ACAD9: variants seen among roughly 807,000 people sequenced by gnomAD.
The protein encoded by ACAD9 is acyl-CoA dehydrogenase family member 9.
A neutral mutation model predicts 70.2 loss-of-function variants in ACAD9; 53 were observed. The ratio of observed to expected loss-of-function variants is 0.75; its 90% CI spans 0.61 to 0.95. The LOEUF is 0.95. Among genes scored for constraint, ACAD9 ranks in the 40% least tolerant of loss-of-function variants. ACAD9 has a pLI of 0.00. For synonymous variants in ACAD9, 313 were observed against 312.1 expected, an observed-to-expected ratio of 1.00 and a Z score of -0.03; for missense variants, 777 against 802.8, an observed-to-expected ratio of 0.97 and a Z score of 0.39.
At chr3:128,888,348 G>A (rs376005446) in intron 2 of ACAD9, among the ~76,000 whole-genome samples, 8 of 152,188 alleles carry the variant, frequency 5.3e-5, no homozygotes, top group Non-Finnish European at 1.0e-4. Context: ...GGAGGCCGAC[G>A]TGGGTGGATC....
rs571739053 is a variant in ACAD9, at chr3:128,888,376, T to G, written c.244+3630T>G. 4.0e-3 allele frequency among the ~76,000 whole-genome samples: 607 copies of G among 152,182 alleles called. 3 individuals carry two copies. Among genetic ancestry groups the G allele is most frequent in the Non-Finnish European group, 4.6e-3 (313 of 67,996 alleles). On this transcript the variant is annotated intron_variant, in intron 2 of 17. Transcript: ENST00000308982. ...GGTGGATCACTTGAGGTCAGGAGTTTGAGACCAGCCTGGCCAACATAGTGA... is the reference window on the plus strand; with the variant it reads ...GGTGGATCACTTGAGGTCAGGAGTTGGAGACCAGCCTGGCCAACATAGTGA...
chr3:128,882,385 C>T (rs954501203), intron 1 of ACAD9, among the ~76,000 whole-genome samples: 1 of 152,212 alleles, frequency 6.6e-6, no homozygotes, highest in Non-Finnish European at 1.5e-5. Flanking sequence ...CTCTTATTCT[C>T]CTAGTCCACT....
chr3:128,909,523 AC>A (rs1308251024), intron 15 of ACAD9, 102 bp downstream of exon 15: 1 of 1,272,608 alleles, frequency 7.9e-7, no homozygotes, highest in Non-Finnish European at 1.1e-6. Context: ...CAGGCCTAGA[AC>A]AGAAATGTTG....
rs560523989 is a variant in ACAD9, at chr3:128,912,598, G to A, written c.1857G>A (p.Arg619=). The A allele has an allele frequency of 6.1e-5, 98 of 1,614,054 alleles. No homozygotes were observed. In the East Asian group the frequency reaches 2.2e-3, roughly 36 times the overall value. The stretch of plus-strand genomic sequence containing the variant: ...ATATCTGTGCCCACCCTCTGGACAG[G>A]ACATGCTGAGGCAGGGGACAGTGTC... ...RAYICAHPLD[R]TC is the part of the protein sequence containing the mutation. Residue 619 remains arginine (R), a synonymous_variant, in exon 18 of 18, where the codon AGG becomes AGA. Transcript: ENST00000308982.
rs1265150140 is a variant in ACAD9 at position 128,908,024 on chromosome 3, TC to T, written c.1279-158del. 2.0e-5 allele frequency among the ~76,000 whole-genome samples: 3 copies of T among 152,334 alleles called. No individual in the cohort carries two copies. The East Asian group carries it at 5.8e-4, about 29-fold the overall frequency. On this transcript the variant is annotated intron_variant, in intron 12 of 17. Transcript: ENST00000308982. ...CACCTCCCTCCTCATCCCTGTGCAC[TC>T]CCTGAGCCCTGGCCAGAGCCCTGCT...
intron 4 of ACAD9, 130 bp from the exon 5 acceptor site, chr3:128,896,306 C>T: frequency 9.7e-7 from 1 of 1,028,242 alleles, no homozygotes; most frequent in Non-Finnish European, 1.5e-6. Flanking sequence ...CCTGTGGCCG[C>T]TTGCTCTGAG....
intron 6 of ACAD9, 43 bp downstream of exon 6, chr3:128,897,753 A>G: frequency 6.4e-7 from 1 of 1,561,680 alleles, no homozygotes; most frequent in South Asian, 1.1e-5. Context: ...CTCAGTCACA[A>G]CCTTCACTGC....
intron 2 of ACAD9, among the ~76,000 whole-genome samples, chr3:128,892,645 C>T (rs1302198056): frequency 6.6e-6 from 1 of 152,150 alleles, no homozygotes; most frequent in Non-Finnish European, 1.5e-5. Context: ...ACCTGAGCCT[C>T]CCAAGTAGCT....
At chr3:128,903,068 G>T (rs946675032) in intron 9 of ACAD9, among the ~76,000 whole-genome samples, 3 of 152,022 alleles carry the variant, frequency 2.0e-5, no homozygotes, top group Non-Finnish European at 2.9e-5. Context: ...ATCGGGTTTG[G>T]AACCCAGGTC....
At chr3:128,894,433 C>T (rs556902709) in intron 3 of ACAD9, among the ~76,000 whole-genome samples, 1 of 150,458 alleles carries the variant, frequency 6.6e-6, no homozygotes, top group South Asian at 2.1e-4. Flanking sequence ...TAGATATCTT[C>T]ATATTTAAAG....
intron 2 of ACAD9, among the ~76,000 whole-genome samples, chr3:128,886,023 A>T (rs965108996): frequency 5.9e-4 from 88 of 149,928 alleles, no homozygotes; most frequent in Middle Eastern, 3.4e-3. Context: ...TCTAAAAAAA[A>T]AAAATAAAAT....
chr3:128,909,584 G>A (rs1936052408), intron 15 of ACAD9, 163 bp downstream of exon 15: 1 of 764,348 alleles, frequency 1.3e-6, no homozygotes, highest in Non-Finnish European at 2.2e-6. Context: ...TTGTCAGCCT[G>A]GGGCCCACTT....
At chr3:128,896,573 G>A (rs1191125715) in intron 5 of ACAD9, 37 bp downstream of exon 5, 1 of 1,606,496 alleles carries the variant, frequency 6.2e-7, no homozygotes, top group South Asian at 1.1e-5. Context: ...CTCAGCAGCT[G>A]TGATGTTGCC....
Position 128,897,701 on chromosome 3 carries a change from T to C in ACAD9, c.624T>C (p.Asn208=). 8.7e-6 allele frequency: 14 copies of C among 1,613,542 alleles called. No individual in the cohort carries two copies. Among genetic ancestry groups the C allele is most frequent in the Non-Finnish European group, 1.2e-5 (14 of 1,179,700 alleles). Residue 208 remains asparagine (N), a synonymous_variant, in exon 6 of 18, where the codon AAT becomes AAC. Transcript: ENST00000308982. ...LSEDKKHYIL[N]GSKVWITNGG... is the part of the protein sequence containing the mutation. The stretch of plus-strand genomic sequence containing the variant: ...AAGACAAGAAGCACTACATCCTCAA[T>C]GGCTCCAAGGTAGGGTTCCTTCCCC...
chr3:128,909,540 C>T (rs1226005868), intron 15 of ACAD9, 119 bp downstream of exon 15: 1 of 1,112,748 alleles, frequency 9.0e-7, no homozygotes, highest in East Asian at 2.5e-5. Flanking sequence ...TGTTGATCAC[C>T]CTGGAGGGAT....
At chr3:128,893,093 C>G (rs1020659055) in intron 2 of ACAD9, among the ~76,000 whole-genome samples, 1 of 151,986 alleles carries the variant, frequency 6.6e-6, no homozygotes, top group Non-Finnish European at 1.5e-5. Context: ...CACCTATGAT[C>G]CCAGTACTTT....
chr3:128,895,066 G>A lies in ACAD9; in HGVS notation c.347-244G>A, dbSNP rs147810872. Among the ~76,000 whole-genome samples the A allele has an allele frequency of 7.5e-4, 114 of 151,656 alleles. No individual in the cohort carries two copies. In the East Asian group the frequency reaches 0.02, roughly 26 times the overall value. On this transcript the variant is annotated intron_variant, in intron 3 of 17. Coordinates refer to ENST00000308982, the MANE Select transcript of ACAD9 (RefSeq NM_014049.5). ...TAATTTTTGTATTTTTAGTAGAGAC[G>A]GGGTTTTGCCATGTTGGCCAGGCTG...
rs1043278006 is a variant in ACAD9 at position 128,904,139 on chromosome 3, A to G, written c.1029+7A>G. 6.2e-7 allele frequency: 1 copy of G among 1,613,870 alleles called. No individual in the cohort carries two copies. Among genetic ancestry groups the G allele is most frequent in the Non-Finnish European group, 8.5e-7 (1 of 1,179,736 alleles). ...TGAATTTGGATTGATTCAGGTACCA[A>G]TGGTTGAGTACTGTATTTGTGCATT... On this transcript the variant is annotated splice_region_variant and intron_variant, in intron 10 of 17. Coordinates refer to ENST00000308982, the MANE Select transcript of ACAD9 (RefSeq NM_014049.5).
chr3:128,904,160 G>A, intron 10 of ACAD9, 28 bp downstream of exon 10: 1 of 1,608,566 alleles, frequency 6.2e-7, no homozygotes, highest in Non-Finnish European at 8.5e-7. Context: ...CTGTATTTGT[G>A]CATTTCACTG....
Sources: allele counts gnomAD v4.1 joint callset (sites outside exome capture counted in the v4.1 genomes callset), GRCh38; gene constraint gnomAD v4.1.1; transcripts MANE v1.5; gene names NCBI Gene and HGNC (gene_info 2026-07-23, HGNC 2026-07-21).